STPG2: variants seen among roughly 807,000 people sequenced by gnomAD.
The protein encoded by STPG2 is sperm tail PG-rich repeat containing 2.
A neutral mutation model predicts 54.2 loss-of-function variants in STPG2; 56 were observed. The ratio of observed to expected loss-of-function variants is 1.03; its 90% CI spans 0.83 to 1.29. STPG2 has a LOEUF of 1.29. Among genes scored for constraint, STPG2 ranks in the 50% most tolerant of loss-of-function variants. The probability of loss-of-function intolerance (pLI) is 0.00; values close to 1 mark genes in which losing one functional copy is unlikely to be tolerated. For missense variants in STPG2, 596 were observed against 544.9 expected (o/e 1.09, Z -0.93); for synonymous variants, 200 against 181.8 (o/e 1.10, Z -0.81).
At chr4:97,790,069 G>C (rs1412218435) in intron 9 of STPG2, among the ~76,000 whole-genome samples, 4 of 152,124 alleles carry the variant, frequency 2.6e-5, no homozygotes, top group African/African-American at 7.2e-5. Context: ...ACAGTAACTT[G>C]TGACTTTGCA....
At chr4:97,737,419 C>T (rs1458150452) in intron 9 of STPG2, among the ~76,000 whole-genome samples, 1 of 152,070 alleles carries the variant, frequency 6.6e-6, no homozygotes, top group East Asian at 1.9e-4. Flanking sequence ...CTCCGAGCTA[C>T]AGGAGGAAAT....
chr4:97,897,455 G>A (rs1730999415), intron 8 of STPG2, among the ~76,000 whole-genome samples: 1 of 152,006 alleles, frequency 6.6e-6, no homozygotes, highest in South Asian at 2.1e-4. Context: ...TGGTATTTCT[G>A]TTTTTAGGTC....
intron 8 of STPG2, among the ~76,000 whole-genome samples, chr4:97,848,739 C>T (rs1729048602): frequency 2.0e-5 from 3 of 151,740 alleles, no homozygotes; most frequent in African/African-American, 7.3e-5. Flanking sequence ...TTTCCCAGCA[C>T]CATTTATTAA....
intron 5 of STPG2, among the ~76,000 whole-genome samples, chr4:98,079,260 G>A (rs1738265225): frequency 6.6e-6 from 1 of 152,170 alleles, no homozygotes; most frequent in African/African-American, 2.4e-5. Flanking sequence ...ACCATAGTAG[G>A]CAAATGTGGA....
intron 9 of STPG2, among the ~76,000 whole-genome samples, chr4:97,791,836 T>C (rs1464853229): frequency 6.6e-6 from 1 of 150,710 alleles, no homozygotes; most frequent in Non-Finnish European, 1.5e-5. Flanking sequence ...AAAAAGTACG[T>C]TGATGAAACC....
In STPG2 at chr4:97,898,702, T is replaced by A. The variant is rs148110679; in HGVS notation, c.1044+45195A>T. Among the ~76,000 whole-genome samples the A allele has an allele frequency of 4.2e-3, 640 of 151,748 alleles. 3 individuals are homozygous for A. Among genetic ancestry groups the A allele is most frequent in the South Asian group, 0.024 (117 of 4,822 alleles). ...TAATTTAAAAGCTTTAATTATTAGA[T>A]TACAAACAACTTAAGTGCAATGAAA... is the stretch of plus-strand genomic sequence containing the variant. On this transcript the variant is annotated intron_variant, in intron 8 of 10. Coordinates refer to ENST00000295268, the MANE Select transcript of STPG2 (RefSeq NM_174952.3).
At chr4:97,860,509 TTTATTTTA>T in intron 8 of STPG2, among the ~76,000 whole-genome samples, 1 of 147,166 alleles carries the variant, frequency 6.8e-6, no homozygotes, top group South Asian at 2.1e-4. Context: ...TTTATTTTAT[TTTATTTTA>T]TTATTTTATT....
chr4:97,925,564 A>C (rs1732303434), intron 8 of STPG2, among the ~76,000 whole-genome samples: 4 of 152,210 alleles, frequency 2.6e-5, no homozygotes, highest in Admixed American at 2.6e-4. Flanking sequence ...GGTTAGTTGT[A>C]TAATAAGATA....
chr4:97,594,498 G>T (rs992831449), intron 10 of STPG2, among the ~76,000 whole-genome samples: 3 of 152,256 alleles, frequency 2.0e-5, no homozygotes, highest in South Asian at 2.1e-4. Flanking sequence ...ATAGGACTAG[G>T]TAAAGAGACC....
chr4:98,026,074 T>C (rs1328853773), intron 5 of STPG2: 29 of 1,185,244 alleles, frequency 2.4e-5, no homozygotes, highest in Admixed American at 7.4e-5. Context: ...ACAGAGTAAC[T>C]CCAGACATGA....
At chr4:97,863,797 C>T (rs1018938342) in intron 8 of STPG2, among the ~76,000 whole-genome samples, 3 of 152,134 alleles carry the variant, frequency 2.0e-5, no homozygotes, top group Admixed American at 2.0e-4. Flanking sequence ...GTTCAACATA[C>T]ACAAATCAAT....
At chr4:97,998,145 C>T (rs939165451) in intron 5 of STPG2, among the ~76,000 whole-genome samples, 1 of 152,066 alleles carries the variant, frequency 6.6e-6, no homozygotes, top group Non-Finnish European at 1.5e-5. Flanking sequence ...CCAAAAATGC[C>T]TCTTATCCCT....
chr4:97,885,576 G>A (rs1318412838), intron 8 of STPG2, among the ~76,000 whole-genome samples: 1 of 152,090 alleles, frequency 6.6e-6, no homozygotes, highest in Non-Finnish European at 1.5e-5. Context: ...ATATATAAAT[G>A]AACAATATAC....
At chr4:97,788,277 A>G (rs1726888339) in intron 9 of STPG2, among the ~76,000 whole-genome samples, 1 of 151,838 alleles carries the variant, frequency 6.6e-6, no homozygotes, top group African/African-American at 2.4e-5. Flanking sequence ...ATTTCTATGA[A>G]TTCAATTGTT....
chr4:97,472,355 G>A (rs1729958232), intron 4 of STPG2, among the ~76,000 whole-genome samples: 1 of 152,190 alleles, frequency 6.6e-6, no homozygotes, highest in African/African-American at 2.4e-5. Flanking sequence ...ACTTTGGTGA[G>A]TTTCACCTCC....
intron 9 of STPG2, among the ~76,000 whole-genome samples, chr4:97,817,631 T>A (rs1230410566): frequency 6.6e-6 from 1 of 151,992 alleles, no homozygotes; most frequent in Non-Finnish European, 1.5e-5. Context: ...GAAATGTGCT[T>A]AAAGTTTCTG....
chr4:97,472,145 C>T (rs1230547166), intron 4 of STPG2, among the ~76,000 whole-genome samples: 3 of 152,166 alleles, frequency 2.0e-5, no homozygotes, highest in Non-Finnish European at 4.4e-5. Flanking sequence ...ACAAGACAAA[C>T]CATTGCCCAG....
At position 97,950,844 on chromosome 4, in the gene STPG2, T is replaced by C. The variant is rs1156706017; in HGVS notation, c.934-6837A>G. On this transcript the variant is annotated intron_variant, in intron 7 of 10. Transcript: ENST00000295268. ...TCCTGTTTGGAGACTAGATTGCCTT[T>C]GTAGGACTAACAAATTAGCCACAAG... Among the ~76,000 whole-genome samples, 3 of 152,188 alleles carry C rather than the reference T, an allele frequency of 2.0e-5. No individual in the cohort carries two copies. In the East Asian group the frequency reaches 5.8e-4, roughly 29 times the overall value.
At position 98,052,701 on chromosome 4, in the gene STPG2, G is replaced by A. The variant is rs772274887; in HGVS notation, c.612+53252C>T. On this transcript the variant is annotated intron_variant, in intron 5 of 10. Transcript: ENST00000295268. ...TAATTAACAGAAGCAAATGTTTGGTGACTAGAAAGCATTAAATAAAATCAC... is the reference window on the plus strand; with the variant it reads ...TAATTAACAGAAGCAAATGTTTGGTAACTAGAAAGCATTAAATAAAATCAC... Among the ~76,000 whole-genome samples, 4 of 152,284 alleles carry A rather than the reference G, an allele frequency of 2.6e-5. No individual in the cohort carries two copies. In the South Asian group the frequency reaches 6.2e-4, roughly 24 times the overall value.
Sources: allele counts gnomAD v4.1 joint callset (sites outside exome capture counted in the v4.1 genomes callset), GRCh38; gene constraint gnomAD v4.1.1; transcripts MANE v1.5; gene names NCBI Gene and HGNC (gene_info 2026-07-23, HGNC 2026-07-21).